SCAPER: variants seen among roughly 807,000 people sequenced by gnomAD.
SCAPER encodes the protein S-phase cyclin A associated protein in the ER.
In SCAPER, 98 loss-of-function variants were observed where a neutral mutation model predicts 182.2. The ratio of observed to expected loss-of-function variants is 0.54; its 90% CI spans 0.46 to 0.64. SCAPER has a LOEUF of 0.64. SCAPER is among the 30% of genes least tolerant of loss of function. The probability of loss-of-function intolerance (pLI) is 0.00; values close to 1 mark genes in which losing one functional copy is unlikely to be tolerated. For missense variants in SCAPER, 1,432 were observed against 1,690.0 expected, an observed-to-expected ratio of 0.85 and a Z score of 2.68; for synonymous variants, 605 against 564.6, an observed-to-expected ratio of 1.07 and a Z score of -1.01.
At chr15:76,513,835 T>A (rs1008016125) in intron 23 of SCAPER, among the ~76,000 whole-genome samples, 1 of 152,208 alleles carries the variant, frequency 6.6e-6, no homozygotes, top group African/African-American at 2.4e-5. Flanking sequence ...CTTGTAGTGT[T>A]CAAATGCTCT....
At chr15:76,471,091 T>A (rs2050119405) in intron 25 of SCAPER, 121 bp downstream of exon 25, 2 of 797,130 alleles carry the variant, frequency 2.5e-6, no homozygotes, top group Non-Finnish European at 3.4e-6. Context: ...TTCTTCTTCT[T>A]CTTCTTCTTT....
At chr15:76,763,898 C>T (rs1394452688) in intron 14 of SCAPER, among the ~76,000 whole-genome samples, 1 of 151,890 alleles carries the variant, frequency 6.6e-6, no homozygotes, top group South Asian at 2.1e-4. Flanking sequence ...GTTCTCTCAC[C>T]GTTCACTGAC....
chr15:76,898,408 G>C (rs2074551788), intron 1 of SCAPER, among the ~76,000 whole-genome samples: 1 of 152,132 alleles, frequency 6.6e-6, no homozygotes, highest in Non-Finnish European at 1.5e-5. Flanking sequence ...TTATACTCAA[G>C]AGAAATGAAA....
intron 26 of SCAPER, 110 bp from the exon 27 acceptor site, chr15:76,404,789 C>T (rs2044709069): frequency 2.0e-6 from 2 of 1,008,232 alleles, no homozygotes; most frequent in African/African-American, 1.6e-5. Flanking sequence ...AACATGCAGA[C>T]ACAACACAAG....
intron 21 of SCAPER, among the ~76,000 whole-genome samples, chr15:76,643,179 C>T (rs994193494): frequency 2.6e-5 from 4 of 152,178 alleles, no homozygotes; most frequent in African/African-American, 7.2e-5. Flanking sequence ...CTCCCTCCCT[C>T]ACATCAGGAC....
chr15:76,903,975 CACAG>C (rs2074935264), intron 1 of SCAPER, among the ~76,000 whole-genome samples: 1 of 152,206 alleles, frequency 6.6e-6, no homozygotes, highest in African/African-American at 2.4e-5. Context: ...TTACTTCTCC[CACAG>C]ACAACCTTCC....
chr15:76,426,431 G>A (rs1372636029), intron 26 of SCAPER, among the ~76,000 whole-genome samples: 1 of 152,174 alleles, frequency 6.6e-6, no homozygotes, highest in Non-Finnish European at 1.5e-5. Flanking sequence ...TAATCTCCTG[G>A]TGTGCCATTT....
At position 76,815,215 on chromosome 15, in the gene SCAPER, T is replaced by C. The variant is rs529365739; in HGVS notation, c.394-10582A>G. Among the ~76,000 whole-genome samples the C allele has an allele frequency of 6.6e-5, 10 of 152,252 alleles. 1 individual carries two copies. The South Asian group carries it at 2.1e-3, about 32-fold the overall frequency. On this transcript the variant is annotated intron_variant, in intron 5 of 31. Coordinates refer to ENST00000563290, the MANE Select transcript of SCAPER (RefSeq NM_020843.4). ...AACAGTATGAAAGTTTCTCAAAAAATTAAAAATACAACTACCATATGACCC... is the reference window on the plus strand; with the variant it reads ...AACAGTATGAAAGTTTCTCAAAAAACTAAAAATACAACTACCATATGACCC...
At chr15:76,741,682 T>C (rs980781875) in intron 15 of SCAPER, among the ~76,000 whole-genome samples, 1 of 152,076 alleles carries the variant, frequency 6.6e-6, no homozygotes, top group Admixed American at 6.6e-5. Flanking sequence ...ACACAAAAAG[T>C]TGTCAAGAAG....
At chr15:76,892,672 C>T (rs1174207677) in intron 1 of SCAPER, among the ~76,000 whole-genome samples, 1 of 152,180 alleles carries the variant, frequency 6.6e-6, no homozygotes, top group African/African-American at 2.4e-5. Flanking sequence ...CAGGAAACAA[C>T]AGATGCTGGA....
intron 22 of SCAPER, among the ~76,000 whole-genome samples, chr15:76,576,551 C>A (rs2047834597): frequency 6.6e-6 from 1 of 152,212 alleles, no homozygotes; most frequent in South Asian, 2.1e-4. Context: ...AATTGAACAA[C>A]TATCCACATA....
chr15:76,802,433 C>G (rs2065866214), intron 6 of SCAPER, among the ~76,000 whole-genome samples: 1 of 152,138 alleles, frequency 6.6e-6, no homozygotes, highest in South Asian at 2.1e-4. Flanking sequence ...AAGAATGAAA[C>G]CCCAGATCCA....
intron 3 of SCAPER, among the ~76,000 whole-genome samples, chr15:76,861,458 CCTAA>C (rs1232489417): frequency 2.6e-5 from 4 of 152,066 alleles, no homozygotes; most frequent in Non-Finnish European, 5.9e-5. Flanking sequence ...ACCAGACAAA[CCTAA>C]CTGTGAGGAA....
chr15:76,734,010 T>C (rs1460656784), intron 15 of SCAPER, among the ~76,000 whole-genome samples: 1 of 152,192 alleles, frequency 6.6e-6, no homozygotes, highest in African/African-American at 2.4e-5. Flanking sequence ...TCTTACAAAG[T>C]TCTACTTAAT....
At chr15:76,655,973 C>T (rs2055599889) in intron 21 of SCAPER, among the ~76,000 whole-genome samples, 1 of 152,124 alleles carries the variant, frequency 6.6e-6, no homozygotes, top group Non-Finnish European at 1.5e-5. Flanking sequence ...AGTATGTAGG[C>T]CACTAACACT....
chr15:76,652,520 C>CAT (rs1248614587), intron 21 of SCAPER, among the ~76,000 whole-genome samples: 64 of 47,374 alleles, frequency 1.4e-3, no homozygotes, highest in African/African-American at 4.2e-3. Flanking sequence ...TACATACATA[C>CAT]ACACACACAC....
chr15:76,784,327 A>C (rs984665820), intron 8 of SCAPER, among the ~76,000 whole-genome samples: 52 of 152,328 alleles, frequency 3.4e-4, no homozygotes, highest in Admixed American at 1.2e-3. Flanking sequence ...CCAACTTACA[A>C]GGGACGTGAA....
At chr15:76,512,991 T>C (rs1014291198) in intron 23 of SCAPER, among the ~76,000 whole-genome samples, 5 of 152,044 alleles carry the variant, frequency 3.3e-5, no homozygotes, top group Admixed American at 1.3e-4. Context: ...ACAAGCCACC[T>C]CGGGACTCTC....
chr15:76,394,384 T>G (rs1404186416), intron 27 of SCAPER, among the ~76,000 whole-genome samples: 1 of 152,098 alleles, frequency 6.6e-6, no homozygotes, highest in Non-Finnish European at 1.5e-5. Flanking sequence ...ATAGGGGACT[T>G]TAAGTTTCCT....
Sources: gnomAD v4.1 joint callset for allele counts (sites outside exome capture counted in the v4.1 genomes callset) on GRCh38, gnomAD v4.1.1 for gene constraint, MANE v1.5 for transcripts, NCBI Gene and HGNC (gene_info 2026-07-23, HGNC 2026-07-21) for gene names.